Variants in STK3 observed in about 807,000 individuals in gnomAD.
The protein encoded by STK3 is serine/threonine-protein kinase 3.
Under a neutral mutation model 58.0 loss-of-function variants are expected in STK3, and 41 were observed. The ratio of observed to expected loss-of-function variants is 0.71; its 90% CI spans 0.55 to 0.92. STK3 has a LOEUF of 0.92. Ranked by LOEUF, STK3 falls within the 40% of genes least tolerant of loss-of-function variation. STK3 has a pLI of 0.00. For missense variants in STK3, 479 were observed against 602.7 expected (o/e 0.79, Z 2.15); for synonymous variants, 170 against 191.0 (o/e 0.89, Z 0.91).
chr8:98,497,642 T>A (rs1371061670), intron 10 of STK3, among the ~76,000 whole-genome samples: 2 of 152,128 alleles, frequency 1.3e-5, no homozygotes. Context: ...AGGGTCTGAA[T>A]AGACATTTCT....
intron 8 of STK3, among the ~76,000 whole-genome samples, chr8:98,578,091 T>C (rs184958376): frequency 4.0e-4 from 61 of 152,228 alleles, no homozygotes; most frequent in African/African-American, 1.3e-3. Context: ...TAAAAACTGA[T>C]AATATATGAT....
rs565153575 is a variant in STK3, at chr8:98,597,280, C to A, written c.685-1111G>T. 320 of 985,308 alleles carry A rather than the reference C, an allele frequency of 3.2e-4. 5 individuals are homozygous for A. The South Asian group carries it at 0.013, about 40-fold the overall frequency. 61.0% of individuals were successfully genotyped at this position (985,308 alleles called of 1,614,324 possible). ...AGTGATCAAATGGACTTTCTGTGGA[C>A]ACAGCAGCAAAGACTCAATATCCAA... On this transcript the variant is annotated intron_variant, in intron 6 of 10. Coordinates refer to ENST00000419617, the MANE Select transcript of STK3 (RefSeq NM_006281.4).
At chr8:98,771,571 CT>C (rs796245638) in intron 2 of STK3, among the ~76,000 whole-genome samples, 29 of 146,942 alleles carry the variant, frequency 2.0e-4, no homozygotes, top group South Asian at 2.1e-4. Context: ...ATATACGTAT[CT>C]TTTTTTTTTT....
chr8:98,380,075 T>C (rs934402494), intron 1 of STK3, among the ~76,000 whole-genome samples: 9 of 152,332 alleles, frequency 5.9e-5, no homozygotes, highest in South Asian at 2.1e-4. Context: ...GTGATTCCAC[T>C]TTATGAGGTA....
At position 98,757,142 on chromosome 8, in the gene STK3, T is replaced by A. The variant is rs184933937; in HGVS notation, c.237-7752A>T. On this transcript the variant is annotated intron_variant, in intron 3 of 10. Transcript: ENST00000419617. ...ATATATCTTTTCCATAGCAATAGTC[T>A]CTTGATCTGTTGGCCTCATGATATG... Among the ~76,000 whole-genome samples, 85 of 152,114 alleles carry A rather than the reference T, an allele frequency of 5.6e-4. 1 individual carries two copies. Among genetic ancestry groups the A allele is most frequent in the African/African-American group, 1.7e-3 (72 of 41,512 alleles).
chr8:98,439,514 C>G (rs1818615468), intron 1 of STK3, among the ~76,000 whole-genome samples: 1 of 152,096 alleles, frequency 6.6e-6, no homozygotes, highest in African/African-American at 2.4e-5. Context: ...ATATTCCCCT[C>G]AGGTAATGAC....
intron 2 of STK3, among the ~76,000 whole-genome samples, chr8:98,435,808 G>A (rs577454335): frequency 6.6e-6 from 1 of 152,160 alleles, no homozygotes; most frequent in Non-Finnish European, 1.5e-5. Flanking sequence ...TGGAGGCCAG[G>A]CAGCACCCTG....
downstream of STK3, among the ~76,000 whole-genome samples, chr8:98,400,252 G>T (rs752965140): frequency 2.6e-5 from 4 of 152,168 alleles, no homozygotes; most frequent in Non-Finnish European, 4.4e-5. Context: ...CAAGTCCAGG[G>T]ATTCCATAAT....
In STK3 at chr8:98,621,078, C is replaced by T. The variant is rs192971019; in HGVS notation, c.685-24909G>A. On this transcript the variant is annotated intron_variant, in intron 6 of 10. Coordinates refer to ENST00000419617, the MANE Select transcript of STK3 (RefSeq NM_006281.4). ...CCAAGTAGCTGGGACTACAGGCGCC[C>T]GCCACTACGCCCAGCTAATTTTTTG... is the stretch of plus-strand genomic sequence containing the variant. Among the ~76,000 whole-genome samples the T allele has an allele frequency of 8.2e-3, 1,243 of 152,068 alleles. 7 individuals are homozygous for T. Among genetic ancestry groups the T allele is most frequent in the Non-Finnish European group, 0.012 (827 of 67,948 alleles).
At chr8:98,723,865 CT>C (rs1277935248) in intron 4 of STK3, among the ~76,000 whole-genome samples, 5 of 152,116 alleles carry the variant, frequency 3.3e-5, no homozygotes, top group Admixed American at 3.3e-4. Flanking sequence ...CTGGATCAAA[CT>C]TTGCCTCTTT....
At chr8:98,597,369 G>A (rs187814586) in intron 6 of STK3, 33 of 984,858 alleles carry the variant, frequency 3.4e-5, no homozygotes, top group Admixed American at 2.5e-4. Context: ...TTCAAAAAAC[G>A]TAAATTCTTT....
chr8:98,755,549 A>G (rs1830235721), intron 3 of STK3, among the ~76,000 whole-genome samples: 2 of 152,230 alleles, frequency 1.3e-5, no homozygotes, highest in South Asian at 4.1e-4. Flanking sequence ...TTGAAAGCAG[A>G]TAAGTGAGCT....
chr8:98,517,593 G>A (rs972770095), intron 10 of STK3, among the ~76,000 whole-genome samples: 4 of 152,096 alleles, frequency 2.6e-5, no homozygotes, highest in African/African-American at 9.7e-5. Flanking sequence ...CCTGAATTAA[G>A]TATAAAATTA....
intron 3 of STK3, among the ~76,000 whole-genome samples, 182 bp from the exon 4 acceptor site, chr8:98,749,572 T>C (rs1829843171): frequency 6.6e-6 from 1 of 152,076 alleles, no homozygotes; most frequent in Non-Finnish European, 1.5e-5. Flanking sequence ...AGGCTTTACT[T>C]CATGGACGAA....
chr8:98,666,777 C>T (rs1030126923), intron 6 of STK3, among the ~76,000 whole-genome samples: 1 of 152,148 alleles, frequency 6.6e-6, no homozygotes, highest in African/African-American at 2.4e-5. Context: ...ATCTAAGTCT[C>T]AATTATTCAC....
chr8:98,451,498 T>TA (rs1488929537), downstream of STK3, among the ~76,000 whole-genome samples: 2 of 152,128 alleles, frequency 1.3e-5, no homozygotes, highest in African/African-American at 2.4e-5. Context: ...GAAAAGCAAT[T>TA]AAAAAATCCT....
chr8:98,559,321 G>C (rs1429962658), intron 8 of STK3, among the ~76,000 whole-genome samples: 1 of 152,058 alleles, frequency 6.6e-6, no homozygotes, highest in Non-Finnish European at 1.5e-5. Context: ...TCTTTTCCTT[G>C]AGAAATGTAT....
At chr8:98,522,912 G>A (rs1393863345) in intron 10 of STK3, among the ~76,000 whole-genome samples, 3 of 152,056 alleles carry the variant, frequency 2.0e-5, no homozygotes, top group African/African-American at 7.3e-5. Context: ...TCCATTTTAT[G>A]TATTACAACA....
At chr8:98,453,719 T>C (rs1053876253), downstream of STK3, among the ~76,000 whole-genome samples, 41 of 152,206 alleles carry the variant, frequency 2.7e-4, no homozygotes, top group African/African-American at 9.9e-4. Context: ...CTGAGTTAAT[T>C]TGCATACATT....
Sources: allele counts gnomAD v4.1 joint callset (sites outside exome capture counted in the v4.1 genomes callset), GRCh38; gene constraint gnomAD v4.1.1; transcripts MANE v1.5; gene names NCBI Gene and HGNC (gene_info 2026-07-23, HGNC 2026-07-21).